Variants in SGCD observed in about 807,000 individuals in gnomAD.
SGCD encodes sarcoglycan delta.
Under a neutral mutation model 36.6 loss-of-function variants are expected in SGCD, and 18 were observed. The ratio of observed to expected loss-of-function variants is 0.49; its 90% confidence interval spans 0.34 to 0.73. SGCD has a LOEUF of 0.73. Ranked by LOEUF, SGCD falls within the 30% of genes least tolerant of loss-of-function variation. The pLI is 0.01. For missense variants in SGCD, 387 were observed against 346.7 expected, an observed-to-expected ratio of 1.12 and a Z score of -0.92; for synonymous variants, 133 against 130.6, an observed-to-expected ratio of 1.02 and a Z score of -0.12.
At chr5:156,480,970 G>C (rs955974485) in intron 3 of SGCD, among the ~76,000 whole-genome samples, 2 of 152,170 alleles carry the variant, frequency 1.3e-5, no homozygotes, top group South Asian at 4.1e-4. Context: ...GATGATTCCA[G>C]GAGCGAGTTC....
In SGCD at chr5:156,153,129, G is replaced by A. The variant is rs10055365; in HGVS notation, c.-44+29110G>A. Among the ~76,000 whole-genome samples, 397 of 151,720 alleles carry A rather than the reference G, an allele frequency of 2.6e-3. 17 individuals carry two copies. The highest frequency in any genetic ancestry group is 9.1e-3 in the African/African-American group (373 of 41,054). ...GTCTTGTTCAAACGTTTCAAACCAGGTTCTGGTAGCACTCTTTGAATACAC... is the reference window on the plus strand; with the variant it reads ...GTCTTGTTCAAACGTTTCAAACCAGATTCTGGTAGCACTCTTTGAATACAC... On this transcript the variant is annotated intron_variant, in intron 3 of 9. Transcript: ENST00000517913.
At chr5:156,725,269 G>A (rs1755715582) in intron 7 of SGCD, among the ~76,000 whole-genome samples, 1 of 152,226 alleles carries the variant, frequency 6.6e-6, no homozygotes. Context: ...GCTTGATCAA[G>A]AAGCGTTGCA....
At chr5:156,223,465 G>A (rs1406229424) in intron 3 of SGCD, among the ~76,000 whole-genome samples, 1 of 152,122 alleles carries the variant, frequency 6.6e-6, no homozygotes, top group Non-Finnish European at 1.5e-5. Flanking sequence ...AATAGCGGAA[G>A]TCCAAAATCA....
chr5:156,239,249 A>C (rs1765242233), intron 3 of SGCD, among the ~76,000 whole-genome samples: 1 of 151,888 alleles, frequency 6.6e-6, no homozygotes, highest in Non-Finnish European at 1.5e-5. Flanking sequence ...AAAATACAAA[A>C]ATTAGCTGGG....
the SGCD span, among the ~76,000 whole-genome samples, chr5:155,812,391 G>A: frequency 2.4e-4 from 36 of 152,296 alleles, no homozygotes; most frequent in Non-Finnish European, 5.0e-4. Context: ...CTGTTGGCTC[G>A]TTCTGGCGGT....
intron 6 of SGCD, among the ~76,000 whole-genome samples, chr5:156,631,642 T>C (rs959169433): frequency 4.6e-5 from 7 of 151,798 alleles, no homozygotes; most frequent in African/African-American, 1.7e-4. Context: ...GATTGGGAGA[T>C]ACTAGATGCC....
chr5:156,287,150 T>G (rs550847187), intron 3 of SGCD, among the ~76,000 whole-genome samples: 2 of 152,306 alleles, frequency 1.3e-5, no homozygotes, highest in East Asian at 3.9e-4. Context: ...ACCTAGTACA[T>G]GGGCTATTAT....
intron 4 of SGCD, among the ~76,000 whole-genome samples, chr5:156,525,710 C>T (rs1301308853): frequency 6.6e-6 from 1 of 151,996 alleles, no homozygotes; most frequent in Admixed American, 6.6e-5. Flanking sequence ...TTTACTGTTT[C>T]TGGTCTTATG....
chr5:155,747,104 T>C, the SGCD span, among the ~76,000 whole-genome samples: 1 of 152,244 alleles, frequency 6.6e-6, no homozygotes, highest in Non-Finnish European at 1.5e-5. Context: ...ATATTATTTA[T>C]GTTATAATAA....
the SGCD span, among the ~76,000 whole-genome samples, chr5:155,728,027 G>A: frequency 1.3e-5 from 2 of 152,024 alleles, no homozygotes; most frequent in Non-Finnish European, 2.9e-5. Flanking sequence ...GCGTTTCGCT[G>A]GGGCTCCCTC....
At chr5:156,340,281 A>G (rs972793356) in intron 2 of SGCD, among the ~76,000 whole-genome samples, 5 of 152,338 alleles carry the variant, frequency 3.3e-5, no homozygotes, top group East Asian at 1.9e-4. Flanking sequence ...ATTATCAAAT[A>G]AACTTTTGAC....
chr5:156,125,697 G>T (rs1337282509), intron 3 of SGCD, among the ~76,000 whole-genome samples: 1 of 151,394 alleles, frequency 6.6e-6, no homozygotes, highest in Non-Finnish European at 1.5e-5. Context: ...CATTAACATG[G>T]TTTCAAGGAC....
At chr5:156,176,338 CA>C (rs988830276) in intron 3 of SGCD, among the ~76,000 whole-genome samples, 4 of 152,010 alleles carry the variant, frequency 2.6e-5, no homozygotes, top group Non-Finnish European at 4.4e-5. Context: ...AGGCTTCGTT[CA>C]AATAGCAACG....
At chr5:155,920,288 T>A (rs1027114004) in intron 1 of SGCD, among the ~76,000 whole-genome samples, 1 of 152,080 alleles carries the variant, frequency 6.6e-6, no homozygotes, top group African/African-American at 2.4e-5. Flanking sequence ...ACTTATTGAG[T>A]AGACTGTGGG....
At chr5:155,843,946 C>G in the SGCD span, among the ~76,000 whole-genome samples, 5 of 152,212 alleles carry the variant, frequency 3.3e-5, no homozygotes, top group Admixed American at 1.3e-4. Flanking sequence ...CTCAAGCTAA[C>G]TTGGAATGGG....
At chr5:156,546,835 A>G (rs1758594616) in intron 4 of SGCD, among the ~76,000 whole-genome samples, 1 of 152,206 alleles carries the variant, frequency 6.6e-6, no homozygotes, top group African/African-American at 2.4e-5. Flanking sequence ...AAGAAATAGC[A>G]TGGGATAAGT....
chr5:156,371,900 A>G (rs144397701), intron 3 of SGCD, among the ~76,000 whole-genome samples: 1 of 152,268 alleles, frequency 6.6e-6, no homozygotes, highest in East Asian at 1.9e-4. Context: ...CGTGTCTTTT[A>G]TATGTTAAAT....
chr5:156,470,783 A>C (rs1230691293), intron 3 of SGCD, among the ~76,000 whole-genome samples: 2 of 152,202 alleles, frequency 1.3e-5, no homozygotes. Flanking sequence ...AATTGTGTTC[A>C]TCTCTAATAA....
Position 156,519,185 on chromosome 5 carries a change from T to C in SGCD, c.294+10483T>C, listed in dbSNP as rs1387818417. On this transcript the variant is annotated intron_variant, in intron 4 of 8. Coordinates refer to ENST00000337851, the MANE Select transcript of SGCD (RefSeq NM_000337.6). ...GATCCCACAGAAATAGAAACAGCCG[T>C]CAGAGAATACTATAAACACCTCTAT... is the stretch of plus-strand genomic sequence containing the variant. Among the ~76,000 whole-genome samples, 3 of 151,850 alleles carry C rather than the reference T, an allele frequency of 2.0e-5. No individual in the cohort carries two copies. The East Asian group carries it at 5.8e-4, about 29-fold the overall frequency.
Sources: allele counts gnomAD v4.1 joint callset (sites outside exome capture counted in the v4.1 genomes callset), GRCh38; gene constraint gnomAD v4.1.1; transcripts MANE v1.5; gene names NCBI Gene and HGNC (gene_info 2026-07-23, HGNC 2026-07-21).